CTBP2: variants seen among roughly 807,000 people sequenced by gnomAD.
The protein encoded by CTBP2 is C-terminal-binding protein 2.
CTBP2 carries 30 observed loss-of-function variants against 80.3 expected under a neutral mutation model. The observed-to-expected ratio is 0.37, with a 90% CI of 0.28 to 0.51. The LOEUF (loss-of-function observed/expected upper bound fraction) is 0.51, where lower values mean the gene tolerates loss of function less well. CTBP2 is among the 20% of genes least tolerant of loss of function. CTBP2 has a pLI of 0.93. For synonymous variants in CTBP2, 594 were observed against 587.4 expected, an observed-to-expected ratio of 1.01 and a Z score of -0.16; for missense variants, 1,212 against 1,375.3, an observed-to-expected ratio of 0.88 and a Z score of 1.88.
rs570770932 is a variant in CTBP2 at position 124,984,974 on chromosome 10, G to C, written c.*4544C>G. 38 of 1,612,018 alleles carry C rather than the reference G, an allele frequency of 2.4e-5. 2 individuals carry two copies. In the South Asian group the frequency reaches 4.2e-4, roughly 18 times the overall value. Reference sequence around the variant, plus strand: ...CCCTGTCTGATGGAGAGGAAGATGAGGATGATGAAGATGAATGAAAAAAAA... The same window carrying C: ...CCCTGTCTGATGGAGAGGAAGATGACGATGATGAAGATGAATGAAAAAAAA... On this transcript the variant is annotated 3_prime_UTR_variant, in exon 9 of 9. Transcript: ENST00000309035.
chr10:124,992,047 AGT>A (rs1952713212), intron 8 of CTBP2, among the ~76,000 whole-genome samples: 2 of 152,086 alleles, frequency 1.3e-5, no homozygotes. Context: ...TATCATTTTT[AGT>A]GTGTGGACAA....
intron 2 of CTBP2, among the ~76,000 whole-genome samples, chr10:125,082,898 A>C (rs916295569): frequency 6.6e-6 from 1 of 152,058 alleles, no homozygotes; most frequent in African/African-American, 2.4e-5. Flanking sequence ...CTTTCTGAGA[A>C]TTTTCACAGG....
chr10:125,106,971 C>T (rs536930741), intron 2 of CTBP2, among the ~76,000 whole-genome samples: 4 of 152,332 alleles, frequency 2.6e-5, no homozygotes, highest in African/African-American at 9.6e-5. Flanking sequence ...CTCTCCATCC[C>T]TACTTGGGAG....
At chr10:124,989,805 G>T in intron 8 of CTBP2, 107 bp from the exon 11 acceptor site, 1 of 1,108,432 alleles carries the variant, frequency 9.0e-7, no homozygotes, top group Non-Finnish European at 1.2e-6. Flanking sequence ...CCAGTGACAT[G>T]AACATGGCTC....
At chr10:125,076,611 A>G (rs919303287) in intron 2 of CTBP2, among the ~76,000 whole-genome samples, 1 of 152,152 alleles carries the variant, frequency 6.6e-6, no homozygotes, top group African/African-American at 2.4e-5. Context: ...CGCAGCACAG[A>G]CTTCACTTTC....
At chr10:125,097,692 T>G (rs1237167605) in intron 2 of CTBP2, among the ~76,000 whole-genome samples, 1 of 151,564 alleles carries the variant, frequency 6.6e-6, no homozygotes, top group African/African-American at 2.4e-5. Context: ...TGCACACGTG[T>G]GAGCATGTAC....
intron 1 of CTBP2, among the ~76,000 whole-genome samples, chr10:125,131,770 G>C (rs1355966168): frequency 6.6e-6 from 1 of 152,178 alleles, no homozygotes; most frequent in Non-Finnish European, 1.5e-5. Flanking sequence ...CTAGCACCTA[G>C]GCATTCTCTG....
At chr10:125,129,126 C>A (rs764877395) in intron 1 of CTBP2, among the ~76,000 whole-genome samples, 4 of 152,086 alleles carry the variant, frequency 2.6e-5, no homozygotes, top group Non-Finnish European at 4.4e-5. Context: ...GTATAATGTA[C>A]ATACATGTAT....
chr10:125,131,735 T>A (rs180840015), intron 1 of CTBP2, among the ~76,000 whole-genome samples: 38 of 152,206 alleles, frequency 2.5e-4, no homozygotes, highest in Non-Finnish European at 4.9e-4. Context: ...CTCCACAGAG[T>A]GATTCAGGCA....
chr10:125,103,111 G>GCACAC lies in CTBP2; in HGVS notation c.-102+7874_-102+7878dup, dbSNP rs202034155. 5.1e-4 allele frequency among the ~76,000 whole-genome samples: 78 copies of GCACAC among 152,246 alleles called. 3 individuals carry two copies. In the East Asian group the frequency reaches 0.013, roughly 25 times the overall value. ...ACACGGCGTGATTATCTCAGAACAT[G>GCACAC]CACACCTCCCCTGAACAGGTAGTAT... On this transcript the variant is annotated intron_variant, in intron 2 of 10. Coordinates refer to the CTBP2 transcript ENST00000337195.
chr10:125,040,617 C>T (rs1959430636), intron 2 of CTBP2, among the ~76,000 whole-genome samples: 2 of 151,538 alleles, frequency 1.3e-5, no homozygotes, highest in Admixed American at 6.6e-5. Flanking sequence ...CACACACACA[C>T]ACACACACAG....
chr10:125,093,817 T>A (rs112979045), intron 2 of CTBP2, among the ~76,000 whole-genome samples: 6,083 of 152,182 alleles, frequency 0.04, 389 homozygotes, highest in African/African-American at 0.14. Flanking sequence ...GTAAAAACCC[T>A]CCCACGGCCT....
intron 1 of CTBP2, among the ~76,000 whole-genome samples, chr10:125,025,201 G>A (rs1957415809): frequency 6.6e-6 from 1 of 152,166 alleles, no homozygotes; most frequent in Non-Finnish European, 1.5e-5. Flanking sequence ...AGGGGAGGCT[G>A]GCGGGGAGGA....
intron 8 of CTBP2, among the ~76,000 whole-genome samples, chr10:124,992,404 A>G (rs1257277484): frequency 6.6e-6 from 1 of 151,998 alleles, no homozygotes; most frequent in Non-Finnish European, 1.5e-5. Context: ...GTGACTGGGA[A>G]GCCTTCTGGT....
chr10:125,053,553 C>A (rs990174517), intron 2 of CTBP2, among the ~76,000 whole-genome samples: 5 of 152,154 alleles, frequency 3.3e-5, no homozygotes, highest in African/African-American at 1.2e-4. Context: ...TCCCAAGGCC[C>A]TTGGGAAATC....
At chr10:125,137,458 CACATACA>C (rs1857142945) in intron 1 of CTBP2, among the ~76,000 whole-genome samples, 2 of 152,194 alleles carry the variant, frequency 1.3e-5, no homozygotes, top group Admixed American at 6.5e-5. Context: ...TGGTGACCTG[CACATACA>C]ACATCAAGGC....
chr10:125,123,079 G>C (rs1478460971), intron 1 of CTBP2, among the ~76,000 whole-genome samples: 1 of 152,240 alleles, frequency 6.6e-6, no homozygotes, highest in East Asian at 1.9e-4. Flanking sequence ...CCAGGAAGTA[G>C]GTAGGACACG....
At chr10:125,054,245 C>G (rs1293060808) in intron 2 of CTBP2, among the ~76,000 whole-genome samples, 1 of 152,226 alleles carries the variant, frequency 6.6e-6, no homozygotes, top group Non-Finnish European at 1.5e-5. Flanking sequence ...AGCTCTGCTT[C>G]TAAACAAACA....
intron 1 of CTBP2, among the ~76,000 whole-genome samples, chr10:125,117,969 CAG>C (rs781469416): frequency 4.6e-5 from 7 of 152,134 alleles, no homozygotes; most frequent in Non-Finnish European, 7.3e-5. Context: ...CAGTCTTTGT[CAG>C]AGAGTGTTTA....
Sources: gnomAD v4.1 joint callset for allele counts (sites outside exome capture counted in the v4.1 genomes callset) on GRCh38, gnomAD v4.1.1 for gene constraint, MANE v1.5 for transcripts, NCBI Gene and HGNC (gene_info 2026-07-23, HGNC 2026-07-21) for gene names.